The following SLC25A20 variants were observed in gnomAD, a reference collection of about 807,000 sequenced individuals.
SLC25A20 encodes solute carrier family 25 member 20, also known as mitochondrial carnitine/acylcarnitine carrier protein.
In SLC25A20, 29 loss-of-function variants were observed where a neutral mutation model predicts 39.7. The ratio of observed to expected loss-of-function variants is 0.73; its 90% CI spans 0.54 to 1.00. The LOEUF is 1.00. Among genes scored for constraint, SLC25A20 ranks in the 50% least tolerant of loss-of-function variants. The pLI is 0.00. For missense variants in SLC25A20, 333 were observed against 379.9 expected, an observed-to-expected ratio of 0.88 and a Z score of 1.03; for synonymous variants, 103 against 142.2, an observed-to-expected ratio of 0.72 and a Z score of 1.96.
intron 4 of SLC25A20, among the ~76,000 whole-genome samples, chr3:48,878,281 TA>T (rs2083776958): frequency 7.8e-6 from 1 of 128,654 alleles, no homozygotes; most frequent in African/African-American, 2.9e-5. Context: ...AAAATATATA[TA>T]TATATATATA....
At chr3:48,878,164 G>A (rs567936900) in intron 4 of SLC25A20, among the ~76,000 whole-genome samples, 213 of 151,134 alleles carry the variant, frequency 1.4e-3, no homozygotes, top group Non-Finnish European at 2.2e-3. Flanking sequence ...AGGAGGCTGA[G>A]GCAGGAGAAT....
chr3:48,875,675 G>T (rs2083750618), intron 4 of SLC25A20, among the ~76,000 whole-genome samples: 1 of 152,158 alleles, frequency 6.6e-6, no homozygotes, highest in South Asian at 2.1e-4. Context: ...CTCACAAACT[G>T]CTGGGATTAC....
At chr3:48,879,738 A>G (rs1158706668) in intron 3 of SLC25A20, among the ~76,000 whole-genome samples, 1 of 152,164 alleles carries the variant, frequency 6.6e-6, no homozygotes, top group African/African-American at 2.4e-5. Flanking sequence ...GAAGTTTTAT[A>G]TAGTAAAACA....
chr3:48,867,357 T>C lies in SLC25A20; in HGVS notation c.418-4698A>G, dbSNP rs2083679010. On this transcript the variant is annotated intron_variant, in intron 4 of 8. Coordinates refer to ENST00000319017, the MANE Select transcript of SLC25A20 (RefSeq NM_000387.6). ...GCCTCCCGGATTCAAGTGATTCTCC[T>C]GCCTCAGCCTCCCAAGTAGCTGGGA... Among the ~76,000 whole-genome samples, 7 of 150,564 alleles carry C rather than the reference T, an allele frequency of 4.6e-5. No homozygotes were observed. The Admixed American group carries it at 4.7e-4, about 10-fold the overall frequency.
intron 2 of SLC25A20, 130 bp from the exon 3 acceptor site, chr3:48,884,254 A>C: frequency 8.8e-7 from 1 of 1,131,552 alleles, no homozygotes; most frequent in Non-Finnish European, 1.3e-6. Context: ...AGAACTTTAA[A>C]TGGAAGAAAA....
intron 4 of SLC25A20, among the ~76,000 whole-genome samples, chr3:48,873,765 G>T (rs1305354471): frequency 8.1e-5 from 12 of 148,570 alleles, no homozygotes; most frequent in Non-Finnish European, 1.8e-4. Flanking sequence ...GGATCACGAG[G>T]TCAGGAGATC....
intron 8 of SLC25A20, 84 bp from the exon 9 acceptor site, chr3:48,857,856 G>A: frequency 7.9e-7 from 1 of 1,271,868 alleles, no homozygotes; most frequent in Non-Finnish European, 1.1e-6. Context: ...TGCTGGCCCT[G>A]TCAGGACCAG....
intron 7 of SLC25A20, 101 bp downstream of exon 7, chr3:48,858,991 G>T: frequency 1.1e-6 from 1 of 902,000 alleles, no homozygotes; most frequent in Non-Finnish European, 1.8e-6. Context: ...GTGCTGCCAT[G>T]GAGAGTGAGT....
chr3:48,887,044 G>C (rs2083834696), intron 2 of SLC25A20, among the ~76,000 whole-genome samples: 1 of 152,138 alleles, frequency 6.6e-6, no homozygotes, highest in Non-Finnish European at 1.5e-5. Context: ...ACTGCTGCAG[G>C]CTGCAGGTGG....
chr3:48,875,757 C>A (rs1237705690), intron 4 of SLC25A20, among the ~76,000 whole-genome samples: 5 of 152,160 alleles, frequency 3.3e-5, no homozygotes, highest in Non-Finnish European at 2.9e-5. Context: ...TGGCTCATGC[C>A]TGTAATCCCA....
At chr3:48,865,595 T>TAAAAAAA (rs766275901) in intron 4 of SLC25A20, among the ~76,000 whole-genome samples, 3 of 85,104 alleles carry the variant, frequency 3.5e-5, no homozygotes, top group Non-Finnish European at 7.3e-5. Context: ...ACCCTGTTTC[T>TAAAAAAA]AAAAAAAAAA....
At chr3:48,859,694 C>G in intron 5 of SLC25A20, 67 bp from the exon 6 acceptor site, 1 of 1,261,620 alleles carries the variant, frequency 7.9e-7, no homozygotes, top group East Asian at 2.3e-5. Context: ...TGGTACACAC[C>G]TGTAATCTCA....
intron 4 of SLC25A20, among the ~76,000 whole-genome samples, chr3:48,876,357 A>T (rs2083757123): frequency 6.6e-6 from 1 of 151,806 alleles, no homozygotes; most frequent in Admixed American, 6.6e-5. Context: ...AAAAAAAAAA[A>T]AGCCAATCCA....
rs1050904002 is a variant in SLC25A20 at position 48,857,024 on chromosome 3, A to G, written c.*686T>C. On this transcript the variant is annotated 3_prime_UTR_variant, in exon 9 of 9. Coordinates refer to ENST00000319017, the MANE Select transcript of SLC25A20 (RefSeq NM_000387.6). The stretch of plus-strand genomic sequence containing the variant: ...GCCTTCCTACACCCTGGGCTTTCTC[A>G]CTTATCCCAGCAGACTGGGACTGTC... The G allele has an allele frequency of 6.6e-6, 1 of 152,504 alleles. No homozygotes were observed. The highest frequency in any genetic ancestry group is 1.5e-5 in the Non-Finnish European group (1 of 68,306). The allele number at this position is 152,504 out of a possible 1,614,324, so 9.4% of individuals were successfully genotyped here.
At chr3:48,886,634 C>T (rs1330243862) in intron 2 of SLC25A20, among the ~76,000 whole-genome samples, 1 of 151,854 alleles carries the variant, frequency 6.6e-6, no homozygotes, top group East Asian at 1.9e-4. Flanking sequence ...AAGTAGTTGC[C>T]TCTGGAGAAT....
chr3:48,891,716 T>C (rs2083878708), intron 2 of SLC25A20, among the ~76,000 whole-genome samples: 1 of 152,132 alleles, frequency 6.6e-6, no homozygotes, highest in Non-Finnish European at 1.5e-5. Flanking sequence ...TATTACTCAC[T>C]AGTTCTCCGT....
intron 4 of SLC25A20, among the ~76,000 whole-genome samples, chr3:48,876,564 T>TA (rs985124366): frequency 2.0e-5 from 3 of 151,062 alleles, no homozygotes; most frequent in African/African-American, 7.3e-5. Context: ...TAGCTGGGAT[T>TA]ACAAGCATGC....
Position 48,866,142 on chromosome 3 carries a change from A to G in SLC25A20, c.418-3483T>C, listed in dbSNP as rs1280815278. 3.4e-5 allele frequency among the ~76,000 whole-genome samples: 5 copies of G among 148,130 alleles called. No individual in the cohort carries two copies. The South Asian group carries it at 9.6e-4, about 28-fold the overall frequency. On this transcript the variant is annotated intron_variant, in intron 4 of 8. Transcript: ENST00000319017. Reference sequence around the variant, plus strand: ...AGCGAGACTCTGTCTCAAAAAAAGGAAAAAAAAAAGTCACTAGTGACCTTG... The same window carrying G: ...AGCGAGACTCTGTCTCAAAAAAAGGGAAAAAAAAAGTCACTAGTGACCTTG...
intron 2 of SLC25A20, among the ~76,000 whole-genome samples, chr3:48,890,651 C>CTTT (rs71077750): frequency 1.4e-4 from 11 of 78,120 alleles, no homozygotes; most frequent in Non-Finnish European, 1.4e-4. Flanking sequence ...GCCCCCTTGT[C>CTTT]TTTTTTTTTT....
Sources: gnomAD v4.1 joint callset for allele counts (sites outside exome capture counted in the v4.1 genomes callset) on GRCh38, gnomAD v4.1.1 for gene constraint, MANE v1.5 for transcripts, NCBI Gene and HGNC (gene_info 2026-07-23, HGNC 2026-07-21) for gene names.